TAB2: variants seen among roughly 807,000 people sequenced by gnomAD.
The protein encoded by TAB2 is TGF-beta activated kinase 1 (MAP3K7) binding protein 2.
TAB2 carries 3 observed loss-of-function variants against 65.0 expected under a neutral mutation model. That is an observed-to-expected ratio of 0.05 (90% confidence interval 0.02 to 0.12). The LOEUF (loss-of-function observed/expected upper bound fraction) is 0.12. Among genes scored for constraint, TAB2 ranks in the 10% least tolerant of loss-of-function variants. The pLI is 1.00. For synonymous variants in TAB2, 298 were observed against 285.1 expected (o/e 1.05, Z -0.46); for missense variants, 623 against 840.3 (o/e 0.74, Z 3.20).
At chr6:149,344,478 C>T (rs2077804328) in intron 1 of TAB2, among the ~76,000 whole-genome samples, 1 of 152,058 alleles carries the variant, frequency 6.6e-6, no homozygotes, top group Non-Finnish European at 1.5e-5. Flanking sequence ...GAGAAAGCAG[C>T]AAGAGTATTT....
At chr6:149,292,979 C>T (rs749103318) in intron 1 of TAB2, among the ~76,000 whole-genome samples, 9 of 152,118 alleles carry the variant, frequency 5.9e-5, no homozygotes, top group South Asian at 2.1e-4. Context: ...TTTCCAGGTA[C>T]GTATCTTCAC....
chr6:149,276,438 T>C lies in TAB2; in HGVS notation c.-121+57662T>C, dbSNP rs547715336. On this transcript the variant is annotated intron_variant, in intron 1 of 1. Transcript: ENST00000606202. The stretch of plus-strand genomic sequence containing the variant: ...CTCAGTGATTCTAAGAAACATCTAT[T>C]TACTTTAACAAGAATTTGATGGCTA... Among the ~76,000 whole-genome samples the C allele has an allele frequency of 1.3e-3, 193 of 152,328 alleles. 3 individuals are homozygous for C. The highest frequency in any genetic ancestry group is 7.8e-4 in the Non-Finnish European group (53 of 68,020).
intron 3 of TAB2, among the ~76,000 whole-genome samples, chr6:149,391,400 A>G (rs1781979613): frequency 6.6e-6 from 1 of 151,952 alleles, no homozygotes; most frequent in African/African-American, 2.4e-5. Context: ...GCCCTGGGAA[A>G]TTCTTTTCTG....
intron 1 of TAB2, chr6:149,247,219 C>G (rs1407298669): frequency 6.6e-6 from 1 of 152,366 alleles, no homozygotes; most frequent in African/African-American, 2.4e-5. Context: ...TCCCTGGTGC[C>G]CTGCACTGGG....
upstream of TAB2, among the ~76,000 whole-genome samples, chr6:149,312,973 G>C (rs573123): frequency 0.86 from 130,970 of 151,768 alleles, 56,519 homozygotes; most frequent in Middle Eastern, 0.9. Context: ...TTTTGTATCC[G>C]TTATCTCATC....
intron 1 of TAB2, among the ~76,000 whole-genome samples, chr6:149,257,806 G>A (rs147581679): frequency 3.3e-5 from 5 of 152,062 alleles, no homozygotes; most frequent in African/African-American, 1.2e-4. Flanking sequence ...CATAGCTCCT[G>A]GGGGAGCAAG....
intron 1 of TAB2, among the ~76,000 whole-genome samples, chr6:149,275,300 G>GAAAGGAAGAAAA (rs1223068467): frequency 7.8e-6 from 1 of 128,302 alleles, no homozygotes; most frequent in Admixed American, 8.0e-5. Context: ...AAGAAAGAAA[G>GAAAGGAAGAAAA]AGAAAAAAGA....
chr6:149,368,849 T>A (rs1394297478), intron 1 of TAB2, among the ~76,000 whole-genome samples: 1 of 152,176 alleles, frequency 6.6e-6, no homozygotes, highest in African/African-American at 2.4e-5. Context: ...AAGTGAGCGC[T>A]TATTTTATTG....
chr6:149,404,894 A>G (rs570779118), intron 6 of TAB2, among the ~76,000 whole-genome samples: 3 of 152,378 alleles, frequency 2.0e-5, no homozygotes, highest in South Asian at 2.1e-4. Context: ...CACAGGTAAC[A>G]AAAGCAAAAA....
intron 1 of TAB2, among the ~76,000 whole-genome samples, chr6:149,355,364 A>G (rs752610632): frequency 6.6e-6 from 1 of 152,132 alleles, no homozygotes; most frequent in Non-Finnish European, 1.5e-5. Flanking sequence ...TTTTACTGTT[A>G]GAAAACTATT....
chr6:149,232,728 C>T (rs577747508), intron 1 of TAB2, among the ~76,000 whole-genome samples: 1 of 152,268 alleles, frequency 6.6e-6, no homozygotes, highest in African/African-American at 2.4e-5. Flanking sequence ...TGTTTATTGC[C>T]TTCTATTAGT....
chr6:149,263,904 A>G (rs1778205949), intron 1 of TAB2, among the ~76,000 whole-genome samples: 1 of 152,000 alleles, frequency 6.6e-6, no homozygotes, highest in South Asian at 2.1e-4. Flanking sequence ...TCTCTTCTTG[A>G]CTTTGGAAAC....
intron 1 of TAB2, among the ~76,000 whole-genome samples, chr6:149,220,173 T>C (rs1015503856): frequency 6.6e-6 from 1 of 152,212 alleles, no homozygotes; most frequent in Non-Finnish European, 1.5e-5. Context: ...TGTTACGCTG[T>C]CTTGGTTGAA....
intron 6 of TAB2, chr6:149,400,886 A>G (rs1782381189): frequency 6.9e-6 from 4 of 579,958 alleles, no homozygotes; most frequent in Non-Finnish European, 1.2e-5. Flanking sequence ...TTTTTCTTCA[A>G]ACCAAACAGC....
chr6:149,399,110 A>G lies in TAB2; in HGVS notation c.1865A>G (p.His622Arg). Reference sequence around the variant, plus strand: ...TACTTTTTATATATTTCAGGACCACATTTTAACCCCAGCGCTATTCATAAC... The same window carrying G: ...TACTTTTTATATATTTCAGGACCACGTTTTAACCCCAGCGCTATTCATAAC... ...EIDLFQARGP[H>R]FNPSAIHNFY... Residue 622 changes from histidine (H) to arginine (R), a missense_variant, in exon 6 of 7, where the codon CAT (histidine) becomes CGT (arginine). His to Arg is a conservative substitution (Grantham distance 29). Transcript: ENST00000637181. 6.2e-7 allele frequency: 1 copy of G among 1,613,306 alleles called. No individual in the cohort carries two copies. The highest frequency in any genetic ancestry group is 8.5e-7 in the Non-Finnish European group (1 of 1,179,484).
intron 3 of TAB2, among the ~76,000 whole-genome samples, chr6:149,385,851 T>C (rs1436195779): frequency 6.6e-6 from 1 of 152,216 alleles, no homozygotes; most frequent in East Asian, 1.9e-4. Flanking sequence ...AAAAGTATTA[T>C]GAAAATAACA....
At chr6:149,355,404 A>T (rs994145659) in intron 1 of TAB2, among the ~76,000 whole-genome samples, 1 of 151,992 alleles carries the variant, frequency 6.6e-6, no homozygotes, top group Admixed American at 6.6e-5. Flanking sequence ...GGTGGCTAAT[A>T]CCTGTAATCC....
At chr6:149,318,136 C>A in intron 1 of TAB2, 121 bp downstream of exon 1, 1 of 153,888 alleles carries the variant, frequency 6.5e-6, no homozygotes, top group South Asian at 1.9e-4. Context: ...GCGGGGCGTT[C>A]GCTTCTAACT....
chr6:149,397,496 A>T, intron 3 of TAB2, 108 bp from the exon 4 acceptor site: 1 of 1,283,796 alleles, frequency 7.8e-7, no homozygotes, highest in Non-Finnish European at 1.1e-6. Flanking sequence ...ATTTTGTTTT[A>T]ATGTAGCTTT....
Sources: allele counts gnomAD v4.1 joint callset (sites outside exome capture counted in the v4.1 genomes callset), GRCh38; gene constraint gnomAD v4.1.1; transcripts MANE v1.5; gene names NCBI Gene and HGNC (gene_info 2026-07-23, HGNC 2026-07-21).